PTPN3: variants seen among roughly 807,000 people sequenced by gnomAD.
The protein encoded by PTPN3 is protein tyrosine phosphatase non-receptor type 3, also known as tyrosine-protein phosphatase non-receptor type 3.
Under a neutral mutation model 132.7 loss-of-function variants are expected in PTPN3, and 96 were observed. The observed-to-expected ratio is 0.72, with a 90% confidence interval of 0.61 to 0.86. The LOEUF (loss-of-function observed/expected upper bound fraction) is 0.86, where lower values mean the gene tolerates loss of function less well. PTPN3 is among the 40% of genes least tolerant of loss of function. The pLI is 0.00. For synonymous variants in PTPN3, 398 were observed against 429.0 expected, an observed-to-expected ratio of 0.93 and a Z score of 0.89; for missense variants, 1,125 against 1,159.6, an observed-to-expected ratio of 0.97 and a Z score of 0.43.
chr9:109,385,523 G>C (rs1839506555), intron 22 of PTPN3, among the ~76,000 whole-genome samples: 1 of 152,160 alleles, frequency 6.6e-6, no homozygotes, highest in Non-Finnish European at 1.5e-5. Context: ...AGTAAACTGA[G>C]GCTCAGAGAA....
At chr9:109,532,583 T>TA in the PTPN3 span, among the ~76,000 whole-genome samples, 8,069 of 127,820 alleles carry the variant, frequency 0.063, 280 homozygotes, top group South Asian at 0.2. Flanking sequence ...AAAACAGGCT[T>TA]TAAAAAAAAA....
chr9:109,440,449 G>A (rs368723072), intron 7 of PTPN3, among the ~76,000 whole-genome samples: 28 of 152,226 alleles, frequency 1.8e-4, no homozygotes, highest in Middle Eastern at 6.8e-3. Context: ...AAGAAATTGC[G>A]GTCTGGAAAG....
chr9:109,459,378 A>G (rs1318552249), intron 2 of PTPN3, among the ~76,000 whole-genome samples: 1 of 152,206 alleles, frequency 6.6e-6, no homozygotes, highest in Non-Finnish European at 1.5e-5. Flanking sequence ...CTACACATAG[A>G]AAGACACAAA....
At chr9:109,424,175 A>T (rs1349542451) in intron 12 of PTPN3, among the ~76,000 whole-genome samples, 1 of 152,234 alleles carries the variant, frequency 6.6e-6, no homozygotes, top group African/African-American at 2.4e-5. Context: ...ATTGTCCCAT[A>T]AGCTTGGAAA....
rs1187562770 is a variant in PTPN3, at chr9:109,395,032, C to T, written c.1954-3471G>A. Among the ~76,000 whole-genome samples the T allele has an allele frequency of 3.3e-5, 5 of 151,452 alleles. No homozygotes were observed. The East Asian group carries it at 9.7e-4, about 29-fold the overall frequency. ...GCAGGCGCCTGTAGTCCCAGCTACT[C>T]GGGAGGCTGAGGCAGGAGAATGGCG... is the stretch of plus-strand genomic sequence containing the variant. On this transcript the variant is annotated intron_variant, in intron 19 of 25. Transcript: ENST00000374541.
intron 19 of PTPN3, among the ~76,000 whole-genome samples, chr9:109,395,824 ATATATG>A (rs1840545667): frequency 7.1e-6 from 1 of 140,004 alleles, no homozygotes; most frequent in Non-Finnish European, 1.5e-5. Context: ...CTCTCTCTAT[ATATATG>A]TATATATTTT....
At chr9:109,391,441 G>T in intron 20 of PTPN3, 30 bp downstream of exon 20, 1 of 1,570,230 alleles carries the variant, frequency 6.4e-7, no homozygotes. Context: ...CAGTGTAGGG[G>T]GGAAGGAGGC....
intron 10 of PTPN3, among the ~76,000 whole-genome samples, chr9:109,431,414 G>A (rs1376641108): frequency 6.6e-6 from 1 of 152,228 alleles, no homozygotes; most frequent in Non-Finnish European, 1.5e-5. Flanking sequence ...GCATCTGGAG[G>A]GGCTGGGTGC....
rs897668405 is a variant in PTPN3, at chr9:109,391,487, A to G, written c.2028T>C (p.Tyr676=). The G allele has an allele frequency of 3.7e-6, 6 of 1,613,332 alleles. No homozygotes were observed. The highest frequency in any genetic ancestry group is 2.7e-5 in the African/African-American group (2 of 74,924). Residue 676 remains tyrosine (Y), a synonymous_variant, in exon 20 of 26, where the codon TAT becomes TAC. Transcript: ENST00000374541. ...KLPQNLDKNR[Y]KDVLPYDTTR... ...GATACTCACAAGGCAGCACATCTTT[A>G]TATCGGTTTTTGTCCAAATTTTGAG...
chr9:109,509,851 G>T, the PTPN3 span, among the ~76,000 whole-genome samples: 1 of 150,358 alleles, frequency 6.7e-6, no homozygotes, highest in African/African-American at 2.4e-5. Context: ...GTTATGGAAA[G>T]GAAAAAAAAA....
rs566485067 is a variant in PTPN3, at chr9:109,439,241, T to C, written c.467-1007A>G. Among the ~76,000 whole-genome samples the C allele has an allele frequency of 2.6e-5, 4 of 152,242 alleles. No homozygotes were observed. In the East Asian group the frequency reaches 7.7e-4, roughly 29 times the overall value. On this transcript the variant is annotated intron_variant, in intron 7 of 25. Coordinates refer to ENST00000374541, the MANE Select transcript of PTPN3 (RefSeq NM_002829.4). ...GGCTTATGGGACCTGAGGACATCCA[T>C]TTCCCTTCTCCACAAGTTTTCCCAT...
At position 109,457,426 on chromosome 9, in the gene PTPN3, G is replaced by C. The variant is rs778269771; in HGVS notation, c.139-27C>G. 6 of 1,567,870 alleles carry C rather than the reference G, an allele frequency of 3.8e-6. No individual in the cohort carries two copies. The South Asian group carries it at 5.8e-5, about 15-fold the overall frequency. On this transcript the variant is annotated intron_variant, in intron 2 of 25. Coordinates refer to ENST00000374541, the MANE Select transcript of PTPN3 (RefSeq NM_002829.4). ...TAGAACAAAGGAAATTATCAAGTGGGAAAAGTCTTAAATTAATTGGTGGTA... is the reference window on the plus strand; with the variant it reads ...TAGAACAAAGGAAATTATCAAGTGGCAAAAGTCTTAAATTAATTGGTGGTA...
At chr9:109,487,941 G>C (rs1306189682) in intron 1 of PTPN3, among the ~76,000 whole-genome samples, 1 of 152,108 alleles carries the variant, frequency 6.6e-6, no homozygotes, top group Non-Finnish European at 1.5e-5. Flanking sequence ...GCAGAGCCTC[G>C]GTTTCTCCAT....
At chr9:109,398,436 T>C (rs532082060) in intron 19 of PTPN3, among the ~76,000 whole-genome samples, 1 of 152,354 alleles carries the variant, frequency 6.6e-6, no homozygotes, top group African/African-American at 2.4e-5. Context: ...TTGACATTAA[T>C]GGCTATCTTC....
At chr9:109,485,785 C>G (rs1847180839) in intron 1 of PTPN3, among the ~76,000 whole-genome samples, 1 of 152,168 alleles carries the variant, frequency 6.6e-6, no homozygotes, top group Non-Finnish European at 1.5e-5. Flanking sequence ...AGAGGGAACC[C>G]CTTTGCAGTG....
chr9:109,534,003 CCA>C, the PTPN3 span: 1 of 766,950 alleles, frequency 1.3e-6, no homozygotes, highest in Non-Finnish European at 2.4e-6. Context: ...ACATCAAACT[CCA>C]CAGTCTCTCC....
intron 4 of PTPN3, 74 bp from the exon 5 acceptor site, chr9:109,454,648 T>C (rs1338581949): frequency 2.6e-6 from 3 of 1,156,678 alleles, no homozygotes; most frequent in East Asian, 2.4e-5. Flanking sequence ...TTCTCTTCCA[T>C]AAGTGATGCA....
the PTPN3 span, among the ~76,000 whole-genome samples, chr9:109,525,742 GTTTT>G: frequency 1.8e-4 from 27 of 152,236 alleles, no homozygotes; most frequent in East Asian, 4.1e-3. Flanking sequence ...TTCTCTAGTC[GTTTT>G]TGCAGAAGGG....
intron 17 of PTPN3, among the ~76,000 whole-genome samples, chr9:109,406,968 G>T (rs1841619025): frequency 6.6e-6 from 1 of 152,100 alleles, no homozygotes; most frequent in South Asian, 2.1e-4. Context: ...GAAATGATTT[G>T]CCAGCTAGAG....
Sources: gnomAD v4.1 joint callset for allele counts (sites outside exome capture counted in the v4.1 genomes callset) on GRCh38, gnomAD v4.1.1 for gene constraint, MANE v1.5 for transcripts, NCBI Gene and HGNC (gene_info 2026-07-23, HGNC 2026-07-21) for gene names.